IL1RAPL1: variants seen among roughly 807,000 people sequenced by gnomAD.
The protein encoded by IL1RAPL1 is interleukin 1 receptor accessory protein like 1.
A neutral mutation model predicts 48.4 loss-of-function variants in IL1RAPL1; 3 were observed. The observed-to-expected ratio is 0.06, with a 90% CI of 0.03 to 0.16. The LOEUF (loss-of-function observed/expected upper bound fraction) is 0.16. Ranked by LOEUF, IL1RAPL1 falls within the 10% of genes least tolerant of loss-of-function variation. IL1RAPL1 has a pLI of 1.00. For missense variants in IL1RAPL1, 349 were observed against 530.6 expected (o/e 0.66, Z 3.36); for synonymous variants, 185 against 187.7 (o/e 0.99, Z 0.12).
At chrX:29,181,027 T>TA (rs1930134074) in intron 2 of IL1RAPL1, among the ~76,000 whole-genome samples, 1 of 111,841 alleles carries the variant, frequency 8.9e-6, no homozygotes, top group Non-Finnish European at 1.9e-5. Context: ...ATAATTACTT[T>TA]AAAATAAAAC....
intron 1 of IL1RAPL1, among the ~76,000 whole-genome samples, chrX:28,750,096 G>A (rs1049741269): frequency 9.2e-6 from 1 of 108,735 alleles, no homozygotes; most frequent in African/African-American, 3.4e-5. Flanking sequence ...GGGATTACAG[G>A]CATGTGTCAC....
intron 1 of IL1RAPL1, among the ~76,000 whole-genome samples, chrX:28,698,899 A>G (rs897676232): frequency 8.9e-6 from 1 of 112,362 alleles, no homozygotes; most frequent in African/African-American, 3.2e-5. Flanking sequence ...CTACACAGAA[A>G]GAAGTTCAAG....
Position 29,791,391 on chromosome X carries a change from A to G in IL1RAPL1, c.778+122887A>G, listed in dbSNP as rs1162607618. 4.6e-5 allele frequency among the ~76,000 whole-genome samples: 5 copies of G among 109,646 alleles called. No homozygotes were observed. The East Asian group carries it at 1.4e-3, about 31-fold the overall frequency. On this transcript the variant is annotated intron_variant, in intron 6 of 10. Coordinates refer to ENST00000378993, the MANE Select transcript of IL1RAPL1 (RefSeq NM_014271.4). ...TATCAAAAAATTAATTTATTGAAGC[A>G]TTCAGTCTCAAACATTTTCTTTTTT...
At chrX:28,952,188 CTTAAAG>C (rs1183511220) in intron 2 of IL1RAPL1, among the ~76,000 whole-genome samples, 1 of 110,864 alleles carries the variant, frequency 9.0e-6, no homozygotes, top group Non-Finnish European at 1.9e-5. Context: ...TTAAGGATTA[CTTAAAG>C]TTAAAAACAC....
chrX:28,882,269 G>A (rs183473721), intron 2 of IL1RAPL1, among the ~76,000 whole-genome samples: 336 of 111,257 alleles, frequency 3.0e-3, no homozygotes, highest in African/African-American at 0.01. Context: ...AGACCGGAAG[G>A]GAGTGGGATG....
chrX:28,664,589 C>G (rs976542745), intron 1 of IL1RAPL1, among the ~76,000 whole-genome samples: 2 of 111,756 alleles, frequency 1.8e-5, no homozygotes, highest in Non-Finnish European at 3.8e-5. Context: ...GAGGCTTAAT[C>G]TTTTAAGTAT....
At chrX:29,125,965 C>T (rs1034581613) in intron 2 of IL1RAPL1, among the ~76,000 whole-genome samples, 5 of 108,208 alleles carry the variant, frequency 4.6e-5, no homozygotes, top group Non-Finnish European at 7.6e-5. Context: ...TAACCTTTTA[C>T]AACTGAAATA....
chrX:29,319,364 A>AATTTTTTTTTTTTT (rs1932786065), intron 3 of IL1RAPL1, among the ~76,000 whole-genome samples: 1 of 58,137 alleles, frequency 1.7e-5, no homozygotes, highest in African/African-American at 7.3e-5. Context: ...GATAAATTTA[A>AATTTTTTTTTTTTT]TTTTTTTTTT....
At chrX:28,862,339 A>G (rs1921968080) in intron 2 of IL1RAPL1, among the ~76,000 whole-genome samples, 1 of 112,018 alleles carries the variant, frequency 8.9e-6, no homozygotes, top group Non-Finnish European at 1.9e-5. Context: ...CTTTGCAGAA[A>G]CTAAAGTTTT....
intron 6 of IL1RAPL1, among the ~76,000 whole-genome samples, chrX:29,826,160 T>A (rs1378117608): frequency 8.9e-6 from 1 of 111,821 alleles, no homozygotes; most frequent in Admixed American, 9.5e-5. Context: ...GCTAGTGTTA[T>A]ATCTATGCCT....
intron 5 of IL1RAPL1, among the ~76,000 whole-genome samples, chrX:29,515,701 CAG>C (rs1308738229): frequency 1.8e-5 from 2 of 111,582 alleles, no homozygotes; most frequent in Non-Finnish European, 3.8e-5. Flanking sequence ...TTTGCTAAAA[CAG>C]AGCCTCACTC....
intron 2 of IL1RAPL1, among the ~76,000 whole-genome samples, chrX:28,925,899 G>A (rs1358812155): frequency 9.0e-6 from 1 of 111,653 alleles, no homozygotes; most frequent in Admixed American, 9.5e-5. Context: ...CCAGCCTGGC[G>A]ACAGAGTGAG....
intron 5 of IL1RAPL1, among the ~76,000 whole-genome samples, chrX:29,603,865 T>G (rs192442796): frequency 1.2e-4 from 14 of 112,748 alleles, no homozygotes; most frequent in Non-Finnish European, 3.7e-5. Context: ...GTCATTTATT[T>G]ATTGATTTAA....
intron 6 of IL1RAPL1, among the ~76,000 whole-genome samples, chrX:29,676,388 A>G (rs1926285453): frequency 8.9e-6 from 1 of 112,114 alleles, no homozygotes; most frequent in African/African-American, 3.2e-5. Flanking sequence ...TTACTACAGT[A>G]TCATACTATG....
intron 2 of IL1RAPL1, among the ~76,000 whole-genome samples, chrX:29,011,597 G>A (rs1926123638): frequency 8.9e-6 from 1 of 112,120 alleles, no homozygotes; most frequent in Non-Finnish European, 1.9e-5. Flanking sequence ...ACAACAGATC[G>A]GTGGTTGCCT....
chrX:29,112,793 GTT>G (rs774106013), intron 2 of IL1RAPL1, among the ~76,000 whole-genome samples: 15 of 71,283 alleles, frequency 2.1e-4, no homozygotes, highest in East Asian at 1.5e-3. Context: ...GTCAACTTTG[GTT>G]TTTTTTTTTT....
At chrX:28,858,272 T>C (rs139233891) in intron 2 of IL1RAPL1, among the ~76,000 whole-genome samples, 3,231 of 112,485 alleles carry the variant, frequency 0.029, 58 homozygotes, top group Non-Finnish European at 0.046. Context: ...CAACAAAAGA[T>C]TCAGACTATT....
At chrX:29,386,916 C>T (rs923720053) in intron 3 of IL1RAPL1, among the ~76,000 whole-genome samples, 5 of 112,005 alleles carry the variant, frequency 4.5e-5, no homozygotes, top group African/African-American at 1.6e-4. Flanking sequence ...TATATTTAGT[C>T]TTATATTACA....
At chrX:28,962,319 G>T (rs1315355201) in intron 2 of IL1RAPL1, among the ~76,000 whole-genome samples, 1 of 111,763 alleles carries the variant, frequency 8.9e-6, no homozygotes, top group Admixed American at 9.6e-5. Flanking sequence ...TAATGTTGAA[G>T]ATCCTTTGGC....
Sources: allele counts gnomAD v4.1 joint callset (sites outside exome capture counted in the v4.1 genomes callset), GRCh38; gene constraint gnomAD v4.1.1; transcripts MANE v1.5; gene names NCBI Gene and HGNC (gene_info 2026-07-23, HGNC 2026-07-21).